Variants in NCOA1 observed in about 807,000 individuals in gnomAD.
The protein encoded by NCOA1 is Hin-2 protein.
A neutral mutation model predicts 150.9 loss-of-function variants in NCOA1; 35 were observed. The observed-to-expected ratio is 0.23, with a 90% CI of 0.18 to 0.31. The LOEUF is 0.31. NCOA1 is among the 10% of genes least tolerant of loss of function. NCOA1 has a pLI of 1.00. For missense variants in NCOA1, 1,491 were observed against 1,749.3 expected (o/e 0.85, Z 2.63); for synonymous variants, 590 against 630.0 (o/e 0.94, Z 0.95).
intron 7 of NCOA1, among the ~76,000 whole-genome samples, chr2:24,675,325 A>G (rs1671855642): frequency 6.6e-6 from 1 of 152,244 alleles, no homozygotes. Flanking sequence ...AAATGGGATG[A>G]AATCAAAATA....
At chr2:24,557,453 T>G (rs1163861555) in intron 1 of NCOA1, among the ~76,000 whole-genome samples, 1 of 152,062 alleles carries the variant, frequency 6.6e-6, no homozygotes, top group Non-Finnish European at 1.5e-5. Context: ...GTCTTTTATA[T>G]TTATCTTCCA....
At chr2:24,611,355 A>G (rs1207271935) in intron 3 of NCOA1, among the ~76,000 whole-genome samples, 1 of 152,168 alleles carries the variant, frequency 6.6e-6, no homozygotes, top group Non-Finnish European at 1.5e-5. Context: ...ACTGTTGGGC[A>G]TCTAGGTTGA....
chr2:24,682,229 G>A lies in NCOA1; in HGVS notation c.355-722G>A, dbSNP rs1268638945. On this transcript the variant is annotated intron_variant, in intron 7 of 22. Coordinates refer to ENST00000348332, the MANE Select transcript of NCOA1 (RefSeq NM_003743.5). ...TGCAGCAAGTAAGCTGCAACATGTTGCAATAAATGAAAAGATTACAAATAA... is the reference window on the plus strand; with the variant it reads ...TGCAGCAAGTAAGCTGCAACATGTTACAATAAATGAAAAGATTACAAATAA... Among the ~76,000 whole-genome samples, 7 of 152,048 alleles carry A rather than the reference G, an allele frequency of 4.6e-5. No individual in the cohort carries two copies. In the East Asian group the frequency reaches 1.3e-3, roughly 29 times the overall value.
chr2:24,767,858 C>A (rs1665146486), intron 22 of NCOA1: 2 of 485,122 alleles, frequency 4.1e-6, no homozygotes, highest in Non-Finnish European at 7.3e-6. Context: ...TGGTTTTAAA[C>A]CAGTTTTCTA....
Position 24,491,545 on chromosome 2 carries a change from GCC to G in NCOA1, c.-452_-451del, listed in dbSNP as rs1288167454. ...CGGCGGAGGCCGGGGCGGCGCCGCC[GCC>G]ACGGTCGCGGACGAGTGCGGCGCCG... On this transcript the variant is annotated 5_prime_UTR_variant, in exon 1 of 23. Coordinates refer to ENST00000348332, the MANE Select transcript of NCOA1 (RefSeq NM_003743.5). Among the ~76,000 whole-genome samples, 9 of 3,148 alleles carry G rather than the reference GCC, an allele frequency of 2.9e-3. No homozygotes were observed. The highest frequency in any genetic ancestry group is 7.1e-3 in the African/African-American group (6 of 850). The allele number at this position is 3,148 out of a possible 152,430, so 2.1% of individuals were successfully genotyped here.
chr2:24,582,974 A>G (rs1667259975), intron 2 of NCOA1, among the ~76,000 whole-genome samples: 1 of 152,206 alleles, frequency 6.6e-6, no homozygotes, highest in Non-Finnish European at 1.5e-5. Flanking sequence ...CTTAAATGTA[A>G]AATCTGAAAT....
intron 1 of NCOA1, among the ~76,000 whole-genome samples, chr2:24,544,698 T>C (rs1023133543): frequency 1.3e-5 from 2 of 152,162 alleles, no homozygotes; most frequent in African/African-American, 4.8e-5. Flanking sequence ...ATGATTGTGC[T>C]GCTGCACTCC....
intron 2 of NCOA1, among the ~76,000 whole-genome samples, chr2:24,570,240 T>A (rs1173275585): frequency 6.6e-6 from 1 of 152,050 alleles, no homozygotes; most frequent in African/African-American, 2.4e-5. Flanking sequence ...ACCAGCTGAA[T>A]ATGAAAATTG....
At chr2:24,761,100 G>A (rs538111259) in intron 21 of NCOA1, among the ~76,000 whole-genome samples, 3 of 152,134 alleles carry the variant, frequency 2.0e-5, no homozygotes, top group South Asian at 2.1e-4. Flanking sequence ...TGCCCACCTC[G>A]GCCTCCCAAA....
At chr2:24,517,662 A>T (rs1189705415) in intron 1 of NCOA1, among the ~76,000 whole-genome samples, 1 of 152,170 alleles carries the variant, frequency 6.6e-6, no homozygotes, top group Non-Finnish European at 1.5e-5. Context: ...TCTTAGGAAG[A>T]TTTTACTCAA....
At chr2:24,748,038 G>A (rs1419828960) in intron 19 of NCOA1, among the ~76,000 whole-genome samples, 2 of 151,716 alleles carry the variant, frequency 1.3e-5, no homozygotes, top group Non-Finnish European at 2.9e-5. Context: ...CCCAGGAGGC[G>A]GAGGTTGTGG....
chr2:24,768,756 G>A lies in NCOA1; in HGVS notation c.*365G>A, dbSNP rs1665193267. On this transcript the variant is annotated 3_prime_UTR_variant, in exon 23 of 23. Coordinates refer to ENST00000348332, the MANE Select transcript of NCOA1 (RefSeq NM_003743.5). ...CGACAAGTTCCAAGAAGAAGATGAA[G>A]CTCCGCCTCCGCCGCTTAGTCCCAA... 2.2e-5 allele frequency: 5 copies of A among 227,742 alleles called. No individual in the cohort carries two copies. The highest frequency in any genetic ancestry group is 2.6e-5 in the Non-Finnish European group (3 of 114,726). 14.1% of individuals were successfully genotyped at this position (227,742 alleles called of 1,614,324 possible).
At chr2:24,654,124 A>G (rs1424496026) in intron 4 of NCOA1, among the ~76,000 whole-genome samples, 1 of 152,198 alleles carries the variant, frequency 6.6e-6, no homozygotes, top group Non-Finnish European at 1.5e-5. Context: ...TGTTAGTTCC[A>G]GTAATACAAT....
chr2:24,555,754 G>A lies in NCOA1; in HGVS notation c.-395-8541G>A, dbSNP rs946769455. Among the ~76,000 whole-genome samples, 5 of 152,052 alleles carry A rather than the reference G, an allele frequency of 3.3e-5. No homozygotes were observed. The South Asian group carries it at 8.3e-4, about 25-fold the overall frequency. On this transcript the variant is annotated intron_variant, in intron 1 of 22. Coordinates refer to ENST00000348332, the MANE Select transcript of NCOA1 (RefSeq NM_003743.5). ...TTCTTGTTCTGAGGTTTGTTTTGTC[G>A]ATATTGTATCAGTTCTGTCTTTCCT...
At chr2:24,521,883 C>T (rs1664431239) in intron 1 of NCOA1, among the ~76,000 whole-genome samples, 1 of 152,166 alleles carries the variant, frequency 6.6e-6, no homozygotes, top group African/African-American at 2.4e-5. Flanking sequence ...CACATCCTTG[C>T]CAAAACTTGT....
chr2:24,637,749 G>A (rs967271586), intron 3 of NCOA1, among the ~76,000 whole-genome samples: 3 of 152,136 alleles, frequency 2.0e-5, no homozygotes, highest in African/African-American at 7.2e-5. Flanking sequence ...AGGCTGGAGT[G>A]CAATGGCATG....
intron 1 of NCOA1, among the ~76,000 whole-genome samples, chr2:24,493,012 A>G (rs537891661): frequency 8.4e-4 from 127 of 151,488 alleles, no homozygotes; most frequent in Non-Finnish European, 1.5e-3. Flanking sequence ...AAAGTTGGCC[A>G]GAGGGGCCTC....
In NCOA1 at chr2:24,729,758, G is replaced by A. The variant is rs758266648; in HGVS notation, c.3144G>A (p.Pro1048=). The A allele has an allele frequency of 2.2e-5, 35 of 1,614,024 alleles. No homozygotes were observed. In the African/African-American group the frequency reaches 2.7e-4, roughly 12 times the overall value. ...MQPRQTLNRP[P]AAPNQLRLQL... is the part of the protein sequence containing the mutation. ...CCAGGCAAACTCTAAACAGACCTCC[G>A]GCTGCACCTAACCAGCTTCGACTTC... The change falls in exon 17 of 23, where the codon CCG becomes CCA. Residue 1048 remains proline, a synonymous_variant. Transcript: ENST00000348332.
At chr2:24,703,617 A>G (rs577288853) in intron 11 of NCOA1, among the ~76,000 whole-genome samples, 2 of 152,202 alleles carry the variant, frequency 1.3e-5, no homozygotes, top group Admixed American at 6.5e-5. Flanking sequence ...TTGGTCAAAT[A>G]TAAGTCTTAT....
Sources: gnomAD v4.1 joint callset for allele counts (sites outside exome capture counted in the v4.1 genomes callset) on GRCh38, gnomAD v4.1.1 for gene constraint, MANE v1.5 for transcripts, NCBI Gene and HGNC (gene_info 2026-07-23, HGNC 2026-07-21) for gene names.